The following CR1 variants were observed in gnomAD, a reference collection of about 807,000 sequenced individuals.
CR1 encodes the protein complement receptor type 1.
CR1 carries 116 observed loss-of-function variants against 187.3 expected under a neutral mutation model. The ratio of observed to expected loss-of-function variants is 0.62; its 90% CI spans 0.53 to 0.72. The LOEUF (loss-of-function observed/expected upper bound fraction) is 0.72. Ranked by LOEUF, CR1 falls within the 30% of genes least tolerant of loss-of-function variation. The pLI is 0.00. For synonymous variants in CR1, 576 were observed against 747.1 expected (o/e 0.77, Z 3.73); for missense variants, 1,731 against 2,110.7 (o/e 0.82, Z 3.52).
intron 42 of CR1, 68 bp from the exon 43 acceptor site, chr1:207,619,812 T>A: frequency 7.0e-7 from 1 of 1,422,016 alleles, no homozygotes; most frequent in Non-Finnish European, 9.5e-7. Context: ...TATTTTCTCC[T>A]ATTCTCGCAG....
chr1:207,589,349 C>A (rs1303353191), intron 35 of CR1, among the ~76,000 whole-genome samples: 1 of 152,174 alleles, frequency 6.6e-6, no homozygotes, highest in Non-Finnish European at 1.5e-5. Flanking sequence ...CAAACTCCAG[C>A]AGACCTGCAG....
chr1:207,514,275 A>C (rs1205615854), intron 4 of CR1, among the ~76,000 whole-genome samples: 2 of 152,340 alleles, frequency 1.3e-5, no homozygotes, highest in African/African-American at 4.8e-5. Flanking sequence ...AATATAATTC[A>C]TGTATCATAA....
intron 4 of CR1, among the ~76,000 whole-genome samples, chr1:207,511,941 G>A (rs1659634790): frequency 6.6e-6 from 1 of 152,022 alleles, no homozygotes; most frequent in African/African-American, 2.4e-5. Context: ...ACCACCTCCA[G>A]TATAATAATC....
chr1:207,607,479 T>C, intron 36 of CR1, 143 bp downstream of exon 36: 1 of 641,760 alleles, frequency 1.6e-6, no homozygotes. Flanking sequence ...ATGGTCTTCC[T>C]GGCTTTTCTT....
chr1:207,607,175 C>G, intron 35 of CR1, 76 bp from the exon 36 acceptor site: 2 of 1,146,004 alleles, frequency 1.7e-6, no homozygotes, highest in Non-Finnish European at 2.6e-6. Flanking sequence ...TAATGTCTAC[C>G]TGCTATTATT....
At chr1:207,575,535 T>C in intron 27 of CR1, 60 bp from the exon 28 acceptor site, 1 of 1,608,510 alleles carries the variant, frequency 6.2e-7, no homozygotes, top group South Asian at 1.1e-5. Flanking sequence ...CACATATGCA[T>C]GCTGTCAGGA....
In CR1 at chr1:207,639,385, C is replaced by G. The variant is rs778060925; in HGVS notation, c.7458-12C>G. On this transcript the variant is annotated splice_polypyrimidine_tract_variant and intron_variant, in intron 46 of 46. Transcript: ENST00000367049. ...ATGCTGTTAATTAAATGAAAACATC[C>G]TGTTATTTCAGGGTCCTTCCTTGAC... 1 of 1,597,556 alleles carries G rather than the reference C, an allele frequency of 6.3e-7. No homozygotes were observed. The highest frequency in any genetic ancestry group is 8.5e-7 in the Non-Finnish European group (1 of 1,170,694).
rs374744117 is a variant in CR1 at position 207,639,439 on chromosome 1, G to A, written c.*30G>A. On this transcript the variant is annotated 3_prime_UTR_variant, in exon 47 of 47. Transcript: ENST00000367049. Reference sequence around the variant, plus strand: ...GTACTATACAGCTGAAGAACATCTCGAATACAATTTTGGTGGGAAAGGAGC... The same window carrying A: ...GTACTATACAGCTGAAGAACATCTCAAATACAATTTTGGTGGGAAAGGAGC... 118 of 1,588,228 alleles carry A rather than the reference G, an allele frequency of 7.4e-5. No homozygotes were observed. The highest frequency in any genetic ancestry group is 1.2e-4 in the Admixed American group (7 of 56,850).
chr1:207,575,707 A>G, intron 28 of CR1, 27 bp downstream of exon 28: 1 of 1,611,586 alleles, frequency 6.2e-7, no homozygotes, highest in Non-Finnish European at 8.5e-7. Context: ...TTCCCCATTC[A>G]CCCCACCATT....
At chr1:207,595,462 A>G (rs1661403688) in intron 35 of CR1, among the ~76,000 whole-genome samples, 1 of 152,110 alleles carries the variant, frequency 6.6e-6, no homozygotes, top group Admixed American at 6.5e-5. Flanking sequence ...CCAAATATAA[A>G]AAAATACTGC....
chr1:207,619,884 A>C lies in CR1; in HGVS notation c.7071A>C (p.Val2357=). 6.3e-7 allele frequency: 1 copy of C among 1,578,302 alleles called. No homozygotes were observed. Residue 2357 remains valine (V), a synonymous_variant, in exon 43 of 47, where the codon GTA becomes GTC. Transcript: ENST00000367049. ...WSQLDHYCKE[V]NCSFPLFMNG... is the part of the protein sequence containing the mutation. ...TTCTGATTTGTCTAATTTCAGAAGT[A>C]AATTGTAGCTTCCCACTGTTTATGA...
At chr1:207,634,472 C>T (rs755501634) in intron 46 of CR1, among the ~76,000 whole-genome samples, 53 of 151,980 alleles carry the variant, frequency 3.5e-4, no homozygotes, top group East Asian at 9.7e-4. Flanking sequence ...GGTTCTGGGG[C>T]GGAGTAAAGA....
rs368006635 is a variant in CR1 at position 207,520,223 on chromosome 1, G to A, written c.488-3388G>A. ...CTGTACCTCCTCCCAATTTTGCAAC[G>A]TGGTCGAGCCAGATATCTGCCTTAT... is the stretch of plus-strand genomic sequence containing the variant. On this transcript the variant is annotated intron_variant, in intron 4 of 46. Transcript: ENST00000367049. 5.3e-5 allele frequency among the ~76,000 whole-genome samples: 8 copies of A among 152,184 alleles called. No individual in the cohort carries two copies. The South Asian group carries it at 1.5e-3, about 28-fold the overall frequency.
intron 35 of CR1, among the ~76,000 whole-genome samples, chr1:207,605,369 AC>A (rs34781374): frequency 1.3e-5 from 2 of 151,630 alleles, no homozygotes; most frequent in African/African-American, 4.9e-5. Flanking sequence ...ACACACACAC[AC>A]AAAACAAATA....
chr1:207,520,980 T>G (rs1290196501), intron 4 of CR1, among the ~76,000 whole-genome samples: 7 of 143,000 alleles, frequency 4.9e-5, no homozygotes, highest in Non-Finnish European at 9.1e-5. Context: ...TTTTTTTTTT[T>G]TTTTTTTTTT....
Position 207,616,812 on chromosome 1 carries a change from T to A in CR1, c.6889+10T>A. On this transcript the variant is annotated intron_variant, in intron 41 of 46. Coordinates refer to ENST00000367049, the MANE Select transcript of CR1 (RefSeq NM_000651.6). The stretch of plus-strand genomic sequence containing the variant: ...CTTTCTGTTCCTGCTGGTTAGTACC[T>A]GCTTCCACATATCCTAAATGGGTTC... The A allele has an allele frequency of 1.2e-6, 2 of 1,613,490 alleles. No homozygotes were observed. Among genetic ancestry groups the A allele is most frequent in the South Asian group, 1.1e-5 (1 of 91,054 alleles).
chr1:207,614,288 C>T, intron 39 of CR1, 116 bp from the exon 40 acceptor site: 1 of 779,472 alleles, frequency 1.3e-6, no homozygotes, highest in South Asian at 1.5e-5. Context: ...GAACCTAAGA[C>T]CTAAATGATA....
chr1:207,606,599 T>C (rs1661757981), intron 35 of CR1: 1 of 152,256 alleles, frequency 6.6e-6, no homozygotes, highest in Non-Finnish European at 1.5e-5. Flanking sequence ...ATAGCTTTGC[T>C]CAGCATTCTT....
Position 207,640,766 on chromosome 1 carries a change from GCTT to G in CR1, c.*1358_*1360del, listed in dbSNP as rs2102427970. The G allele has an allele frequency of 6.6e-6, 1 of 152,276 alleles. No homozygotes were observed. Among genetic ancestry groups the G allele is most frequent in the East Asian group, 1.9e-4 (1 of 5,190 alleles). The allele number at this position is 152,276 out of a possible 1,614,324, so 9.4% of individuals were successfully genotyped here. ...GAATATTTCTGGATATTTAATAATA[GCTT>G]TATATATGACTAATGCTCATTTCTA... On this transcript the variant is annotated 3_prime_UTR_variant, in exon 47 of 47. Transcript: ENST00000367049.
Sources: allele counts gnomAD v4.1 joint callset (sites outside exome capture counted in the v4.1 genomes callset), GRCh38; gene constraint gnomAD v4.1.1; transcripts MANE v1.5; gene names NCBI Gene and HGNC (gene_info 2026-07-23, HGNC 2026-07-21).